The following ACSL1 variants were observed in gnomAD, a reference collection of about 807,000 sequenced individuals.
The protein encoded by ACSL1 is long-chain-fatty-acid--CoA ligase 1.
A neutral mutation model predicts 98.4 loss-of-function variants in ACSL1; 41 were observed. That is an observed-to-expected ratio of 0.42 (90% CI 0.32 to 0.54). The LOEUF (loss-of-function observed/expected upper bound fraction) is 0.54. ACSL1 is among the 20% of genes least tolerant of loss of function. The pLI is 0.13. For synonymous variants in ACSL1, 316 were observed against 322.7 expected (o/e 0.98, Z 0.22); for missense variants, 734 against 883.1 (o/e 0.83, Z 2.14).
At chr4:184,788,763 G>A in intron 2 of ACSL1, 32 bp from the exon 3 acceptor site, 1 of 1,572,728 alleles carries the variant, frequency 6.4e-7, no homozygotes, top group Non-Finnish European at 8.8e-7. Context: ...CAGGTTAGAA[G>A]GCAGTGAAAC....
In ACSL1 at chr4:184,788,567, T is replaced by C. The variant is rs377274487; in HGVS notation, c.310+50A>G. ...TGCATTTCTGAAAGGCCACTCGTTC[T>C]TCATGAAACACGGCGAGCGGGAGCC... On this transcript the variant is annotated intron_variant, in intron 3 of 20. Coordinates refer to ENST00000281455, the MANE Select transcript of ACSL1 (RefSeq NM_001995.5). 9 of 1,455,768 alleles carry C rather than the reference T, an allele frequency of 6.2e-6. No individual in the cohort carries two copies. In the African/African-American group the frequency reaches 8.4e-5, roughly 14 times the overall value. The allele number at this position is 1,455,768 out of a possible 1,614,324, so 90.2% of individuals were successfully genotyped here.
At position 184,766,774 on chromosome 4, in the gene ACSL1, G is replaced by T; in HGVS notation, c.1129-18C>A. 6.2e-7 allele frequency: 1 copy of T among 1,605,504 alleles called. No individual in the cohort carries two copies. Among genetic ancestry groups the T allele is most frequent in the South Asian group, 1.1e-5 (1 of 90,728 alleles). On this transcript the variant is annotated intron_variant, in intron 12 of 20. Coordinates refer to ENST00000281455, the MANE Select transcript of ACSL1 (RefSeq NM_001995.5). This position sits in a 1 kb window ranked among gnomAD's most constrained non-coding sequence, Gnocchi z 4.8. Reference sequence around the variant, plus strand: ...CCGAAAATCTAATGAGGCAAGACATGAGAAAGTTTTCACACCTACTAGGAT... The same window carrying T: ...CCGAAAATCTAATGAGGCAAGACATTAGAAAGTTTTCACACCTACTAGGAT...
chr4:184,817,688 C>T (rs1392581489), intron 1 of ACSL1, among the ~76,000 whole-genome samples: 1 of 152,138 alleles, frequency 6.6e-6, no homozygotes, highest in Non-Finnish European at 1.5e-5. Context: ...ACTGTCACAT[C>T]AAAGAGGGAG....
chr4:184,791,287 G>C (rs531749139), intron 2 of ACSL1, among the ~76,000 whole-genome samples: 26 of 152,350 alleles, frequency 1.7e-4, no homozygotes, highest in African/African-American at 3.6e-4. Flanking sequence ...TGTTCTGAAG[G>C]AGCCCACGTC....
chr4:184,803,381 G>C lies in ACSL1; in HGVS notation c.134C>G (p.Ala45Gly). The C allele has an allele frequency of 1.9e-6, 3 of 1,613,694 alleles. No homozygotes were observed. ...CGGCTTCAGGGGTTTGGGTCTCGTG[G>C]CGTACCAGAAGGTGGTGAGTGCTGC... is the stretch of plus-strand genomic sequence containing the variant. ...AFAALTTFWY[A>G]TRPKPLKPPC... is the part of the protein sequence containing the mutation. Residue 45 changes from alanine (A) to glycine (G), a missense_variant, in exon 2 of 21, where the codon GCC (alanine) becomes GGC (glycine). Ala to Gly is a moderately conservative substitution (Grantham distance 60, BLOSUM62 0). Transcript: ENST00000281455. The surrounding 1 kb of genome is among the most constrained non-coding windows in gnomAD (Gnocchi z 4.8).
intron 1 of ACSL1, among the ~76,000 whole-genome samples, chr4:184,817,247 T>C (rs1047596410): frequency 6.6e-6 from 1 of 152,124 alleles, no homozygotes; most frequent in African/African-American, 2.4e-5. Context: ...ATACTGGTGC[T>C]AGAGAAGGAG....
At chr4:184,784,152 A>C (rs1766816633) in intron 3 of ACSL1, among the ~76,000 whole-genome samples, 161 bp from the exon 4 acceptor site, 1 of 152,072 alleles carries the variant, frequency 6.6e-6, no homozygotes, top group Non-Finnish European at 1.5e-5. Flanking sequence ...TTTCTCCCTC[A>C]GTTTTGGTCT....
At chr4:184,788,306 G>A in intron 3 of ACSL1, 1 of 433,012 alleles carries the variant, frequency 2.3e-6, no homozygotes, top group Non-Finnish European at 4.4e-6. Flanking sequence ...GCCGGATTGG[G>A]CCCAGTTCAA....
intron 2 of ACSL1, among the ~76,000 whole-genome samples, chr4:184,801,810 T>C (rs192141497): frequency 6.6e-5 from 10 of 152,370 alleles, no homozygotes; most frequent in African/African-American, 1.9e-4. Flanking sequence ...AGAGAACATA[T>C]GTAATTATTT....
In ACSL1 at chr4:184,803,219, A is replaced by AAACAAATAT. The variant is rs1770817199; in HGVS notation, c.195+92_195+100dup. The AAACAAATAT allele has an allele frequency of 1.2e-5, 14 of 1,191,536 alleles. No homozygotes were observed. The highest frequency in any genetic ancestry group is 1.5e-5 in the Non-Finnish European group (13 of 877,894). The allele number at this position is 1,191,536 out of a possible 1,614,324, so 73.8% of individuals were successfully genotyped here. ...ATTTCCATTTACAAAGTGCAGTTAT[A>AAACAAATAT]AACAAATATTTGATCTTGATGGCTA... On this transcript the variant is annotated intron_variant, in intron 2 of 20. Coordinates refer to ENST00000281455, the MANE Select transcript of ACSL1 (RefSeq NM_001995.5). This position sits in a 1 kb window ranked among gnomAD's most constrained non-coding sequence, Gnocchi z 4.8.
At chr4:184,826,399 C>T (rs1036226488), upstream of ACSL1, 6 of 152,458 alleles carry the variant, frequency 3.9e-5, no homozygotes, top group South Asian at 2.1e-4. Context: ...CCCCGCTGGC[C>T]TCCTGGCAGG....
At position 184,757,312 on chromosome 4, in the gene ACSL1, C is replaced by A. The variant is rs184712099; in HGVS notation, c.1957-47G>T. On this transcript the variant is annotated intron_variant, in intron 20 of 20. Transcript: ENST00000281455. The surrounding 1 kb of genome is among the most constrained non-coding windows in gnomAD (Gnocchi z 4.5). ...AAAAGAGGAAAAAGGACACGGGCCA[C>A]CAGTCTCAAAAGCACGTAAGCCTTG... 2 of 1,562,516 alleles carry A rather than the reference C, an allele frequency of 1.3e-6. No individual in the cohort carries two copies. The highest frequency in any genetic ancestry group is 2.7e-5 in the African/African-American group (2 of 73,660).
In ACSL1 at chr4:184,776,471, GCA is replaced by G. The variant is rs764665689; in HGVS notation, c.756+11_756+12del. The G allele has an allele frequency of 3.4e-5, 54 of 1,607,462 alleles. No individual in the cohort carries two copies. The highest frequency in any genetic ancestry group is 4.2e-5 in the Non-Finnish European group (50 of 1,177,236). On this transcript the variant is annotated intron_variant, in intron 7 of 20. Transcript: ENST00000281455. ...GAAAGCCTTCAGAGAAGGGAAGGAGGCAGGGCACTCACCTCCATCGCCTTCAT... is the reference window on the plus strand; with the variant it reads ...GAAAGCCTTCAGAGAAGGGAAGGAGGGGGCACTCACCTCCATCGCCTTCAT...
chr4:184,764,474 A>G (rs1763286968), intron 15 of ACSL1, among the ~76,000 whole-genome samples: 2 of 152,200 alleles, frequency 1.3e-5, no homozygotes, highest in Non-Finnish European at 2.9e-5. Context: ...CACACAGTAC[A>G]AATTCAATAA....
chr4:184,816,568 T>C (rs1772654940), intron 1 of ACSL1, among the ~76,000 whole-genome samples: 1 of 152,162 alleles, frequency 6.6e-6, no homozygotes, highest in Non-Finnish European at 1.5e-5. Context: ...CTATATTCCC[T>C]TTATGTTTCA....
At chr4:184,811,588 G>A (rs1170231386) in intron 1 of ACSL1, among the ~76,000 whole-genome samples, 1 of 152,078 alleles carries the variant, frequency 6.6e-6, no homozygotes, top group Non-Finnish European at 1.5e-5. Flanking sequence ...CTTCTAGGAG[G>A]TACCTAGAAT....
At position 184,773,935 on chromosome 4, in the gene ACSL1, G is replaced by A. The variant is rs1490895331; in HGVS notation, c.757-60C>T. 9 of 1,582,610 alleles carry A rather than the reference G, an allele frequency of 5.7e-6. No homozygotes were observed. Among genetic ancestry groups the A allele is most frequent in the Non-Finnish European group, 7.8e-6 (9 of 1,155,024 alleles). ...ACGTTTTCTAACTGTAAAGGATAAG[G>A]TCACATCGAGTCACTTAAAGCTGGC... On this transcript the variant is annotated intron_variant, in intron 7 of 20. Transcript: ENST00000281455. This position sits in a 1 kb window ranked among gnomAD's most constrained non-coding sequence, Gnocchi z 4.3.
At position 184,770,421 on chromosome 4, in the gene ACSL1, T is replaced by C. The variant is rs555396598; in HGVS notation, c.971A>G (p.His324Arg). ...TACCTCTACAACTCTCTCAAACATATGGGCGAGAGGCAAGAAAGATATCAA... is the reference window on the plus strand; with the variant it reads ...TACCTCTACAACTCTCTCAAACATACGGGCGAGAGGCAAGAAAGATATCAA... ...DTLISFLPLA[H>R]MFERVVECVM... Residue 324 changes from histidine to arginine, a missense_variant, in exon 11 of 21, where the codon CAT (histidine) becomes CGT (arginine). By Grantham distance (29) the His-to-Arg change is conservative (BLOSUM62 0). Coordinates refer to ENST00000281455, the MANE Select transcript of ACSL1 (RefSeq NM_001995.5). 1.2e-6 allele frequency: 2 copies of C among 1,613,614 alleles called. No homozygotes were observed. Among genetic ancestry groups the C allele is most frequent in the Admixed American group, 1.7e-5 (1 of 59,994 alleles).
chr4:184,758,836 G>C (rs1878873), intron 18 of ACSL1: 36,119 of 151,388 alleles, frequency 0.24, 5,572 homozygotes, highest in Non-Finnish European at 0.34. Flanking sequence ...CCATGTTGGT[G>C]TGCTGCACCT....
Sources: allele counts gnomAD v4.1 joint callset (sites outside exome capture counted in the v4.1 genomes callset), GRCh38; gene constraint gnomAD v4.1.1; non-coding constraint Gnocchi (gnomAD v3.1); transcripts MANE v1.5; gene names NCBI Gene and HGNC (gene_info 2026-07-23, HGNC 2026-07-21).